Variants in PGLYRP1 observed in about 807,000 individuals in gnomAD.
PGLYRP1 encodes the protein TNF superfamily, member 3 (LTB)-like (peptidoglycan recognition protein).
Under a neutral mutation model 16.3 loss-of-function variants are expected in PGLYRP1, and 18 were observed. The observed-to-expected ratio is 1.11, with a 90% confidence interval of 0.77 to 1.64. The LOEUF is 1.64. PGLYRP1 is among the 40% of genes most tolerant of loss of function. PGLYRP1 has a pLI of 0.00. For missense variants in PGLYRP1, 261 were observed against 268.6 expected (o/e 0.97, Z 0.20); for synonymous variants, 89 against 105.7 (o/e 0.84, Z 0.97).
intron 1 of PGLYRP1, among the ~76,000 whole-genome samples, chr19:46,022,358 G>T (rs565403593): frequency 6.6e-6 from 1 of 152,346 alleles, no homozygotes; most frequent in Non-Finnish European, 1.5e-5. Flanking sequence ...GCTGACCCTG[G>T]AACCCAGCTC....
Position 46,019,769 on chromosome 19 carries a change from C to T in PGLYRP1, c.288-122G>A. On this transcript the variant is annotated intron_variant, in intron 1 of 2. Coordinates refer to ENST00000008938, the MANE Select transcript of PGLYRP1 (RefSeq NM_005091.3). The surrounding 1 kb of genome is among the most constrained non-coding windows in gnomAD (Gnocchi z 4.8). ...TGGTGCACACAACTTCCCCAGCATC[C>T]TTCTCACCCGTTAATTTCCCACGAT... The T allele has an allele frequency of 9.9e-7, 1 of 1,011,680 alleles. No homozygotes were observed. Among genetic ancestry groups the T allele is most frequent in the South Asian group, 1.6e-5 (1 of 61,394 alleles). The allele number at this position is 1,011,680 out of a possible 1,614,324, so 62.7% of individuals were successfully genotyped here.
In PGLYRP1 at chr19:46,019,258, G is replaced by A. The variant is rs758664311; in HGVS notation, c.571C>T (p.Pro191Ser). 5.6e-6 allele frequency: 9 copies of A among 1,613,788 alleles called. No homozygotes were observed. The highest frequency in any genetic ancestry group is 2.7e-5 in the African/African-American group (2 of 74,878). Residue 191 changes from proline to serine, a missense_variant, in exon 3 of 3, where the codon CCA (proline) becomes TCA (serine). Coordinates refer to ENST00000008938, the MANE Select transcript of PGLYRP1 (RefSeq NM_005091.3). This position sits in a 1 kb window ranked among gnomAD's most constrained non-coding sequence, Gnocchi z 4.8. ...NQLYHLIQNW[P>S]HYRSP The stretch of plus-strand genomic sequence containing the variant: ...GGGCCTCAGGGGGAGCGGTAGTGTG[G>A]CCAATTCTGGATGAGGTGGTAGAGC...
chr19:46,021,487 A>G (rs1339489040), intron 1 of PGLYRP1, among the ~76,000 whole-genome samples: 1 of 151,992 alleles, frequency 6.6e-6, no homozygotes, highest in Non-Finnish European at 1.5e-5. Flanking sequence ...TCTGCAGGAG[A>G]TTCTGATGCT....
Position 46,019,856 on chromosome 19 carries a change from C to T in PGLYRP1, c.288-209G>A, listed in dbSNP as rs1214039388. Among the ~76,000 whole-genome samples, 1 of 152,218 alleles carries T rather than the reference C, an allele frequency of 6.6e-6. No homozygotes were observed. The highest frequency in any genetic ancestry group is 2.4e-5 in the African/African-American group (1 of 41,458). On this transcript the variant is annotated intron_variant, in intron 1 of 2. Transcript: ENST00000008938. The surrounding 1 kb of genome is among the most constrained non-coding windows in gnomAD (Gnocchi z 4.8). Reference sequence around the variant, plus strand: ...CATGTGCCAAGCACAGCTCTGCATACACCTTTTTCCATCCTCACAGCAACC... The same window carrying T: ...CATGTGCCAAGCACAGCTCTGCATATACCTTTTTCCATCCTCACAGCAACC...
Position 46,019,555 on chromosome 19 carries a change from A to G in PGLYRP1, c.380T>C (p.Ile127Thr), listed in dbSNP as rs767798585. The G allele has an allele frequency of 1.1e-5, 18 of 1,613,924 alleles. No homozygotes were observed. The highest frequency in any genetic ancestry group is 1.4e-5 in the Non-Finnish European group (17 of 1,179,968). Residue 127 changes from isoleucine to threonine, a missense_variant, in exon 2 of 3, where the codon ATT becomes ACT. Transcript: ENST00000008938. The surrounding 1 kb of genome is among the most constrained non-coding windows in gnomAD (Gnocchi z 4.8). ...HSGHLWNPMS[I>T]GISFMGNYMD... is the part of the protein sequence containing the mutation. ...GTAGTTGCCCATGAAGCTGATGCCAATGGACATGGGGTTCCATAAGTGACC... is the reference window on the plus strand; with the variant it reads ...GTAGTTGCCCATGAAGCTGATGCCAGTGGACATGGGGTTCCATAAGTGACC...
chr19:46,022,976 G>T lies in PGLYRP1; in HGVS notation c.46C>A (p.Leu16Ile), dbSNP rs1969063033. Residue 16 changes from leucine (L) to isoleucine (I), a missense_variant, in exon 1 of 3, where the codon CTT (leucine) becomes ATT (isoleucine). By Grantham distance (5) the Leu-to-Ile change is conservative. Transcript: ENST00000008938. ...GTCTCCTGAGCCGCTCCGAGTCGAA[G>T]GAGGCTGGGGAGAGCCCAGGCAAGC... ...MLLAWALPSL[L>I]RLGAAQETED... 2 of 1,598,168 alleles carry T rather than the reference G, an allele frequency of 1.3e-6. No homozygotes were observed. Among genetic ancestry groups the T allele is most frequent in the Non-Finnish European group, 1.7e-6 (2 of 1,172,070 alleles).
chr19:46,020,617 A>T (rs1215879700), intron 1 of PGLYRP1, among the ~76,000 whole-genome samples: 1 of 152,158 alleles, frequency 6.6e-6, no homozygotes, highest in Non-Finnish European at 1.5e-5. Flanking sequence ...GAGCCCCAGC[A>T]CCTGCCTCTT....
At chr19:46,022,668 G>T in intron 1 of PGLYRP1, 67 bp downstream of exon 1, 1 of 1,574,848 alleles carries the variant, frequency 6.3e-7, no homozygotes, top group Non-Finnish European at 8.7e-7. Flanking sequence ...TGGTCCCGCT[G>T]GCGGGCACTT....
chr19:46,023,043 G>A lies in PGLYRP1; in HGVS notation c.-22C>T, dbSNP rs201917420. 42 of 1,498,030 alleles carry A rather than the reference G, an allele frequency of 2.8e-5. No individual in the cohort carries two copies. The African/African-American group carries it at 5.0e-4, about 18-fold the overall frequency. 92.8% of individuals were successfully genotyped at this position (1,498,030 alleles called of 1,614,324 possible). On this transcript the variant is annotated 5_prime_UTR_variant, in exon 1 of 3. Coordinates refer to ENST00000008938, the MANE Select transcript of PGLYRP1 (RefSeq NM_005091.3). The stretch of plus-strand genomic sequence containing the variant: ...ACATAGTGGCAGGGCGGCAGGGTCC[G>A]GGAGACCGCTAGGAGCGCCCGGTGG...
chr19:46,022,580 C>G (rs545384595), intron 1 of PGLYRP1, among the ~76,000 whole-genome samples, 155 bp downstream of exon 1: 1 of 152,230 alleles, frequency 6.6e-6, no homozygotes. Context: ...CGTGGTGACC[C>G]GAGGAAGAAA....
intron 1 of PGLYRP1, 22 bp downstream of exon 1, chr19:46,022,713 C>A: frequency 6.2e-7 from 1 of 1,613,022 alleles, no homozygotes; most frequent in Admixed American, 1.7e-5. Context: ...CAGTCCAGCC[C>A]GTGCCCCCCT....
At position 46,019,405 on chromosome 19, in the gene PGLYRP1, G is replaced by C; in HGVS notation, c.424C>G (p.Pro142Ala). The change falls in exon 3 of 3, where the codon CCC becomes GCC. Residue 142 changes from proline to alanine, a missense_variant. Physicochemically the swap from Pro to Ala is conservative, Grantham distance 27. Coordinates refer to ENST00000008938, the MANE Select transcript of PGLYRP1 (RefSeq NM_005091.3). This position sits in a 1 kb window ranked among gnomAD's most constrained non-coding sequence, Gnocchi z 4.8. Reference sequence around the variant, plus strand: ...CCCTGGGCTGCCCGGATGGCCTGGGGTGTGGGCACCCGATCTGGAGGAGGC... The same window carrying C: ...CCCTGGGCTGCCCGGATGGCCTGGGCTGTGGGCACCCGATCTGGAGGAGGC... ...MGNYMDRVPT[P>A]QAIRAAQGLL... is the part of the protein sequence containing the mutation. 6.2e-7 allele frequency: 1 copy of C among 1,613,566 alleles called. No individual in the cohort carries two copies. Among genetic ancestry groups the C allele is most frequent in the African/African-American group, 1.3e-5 (1 of 75,008 alleles).
rs887721809 is a variant in PGLYRP1 at position 46,019,743 on chromosome 19, G to A, written c.288-96C>T. 23 of 1,298,948 alleles carry A rather than the reference G, an allele frequency of 1.8e-5. No homozygotes were observed. Among genetic ancestry groups the A allele is most frequent in the African/African-American group, 1.0e-4 (7 of 68,198 alleles). 80.5% of individuals were successfully genotyped at this position (1,298,948 alleles called of 1,614,324 possible). ...CACTCACCCTGCCTCCGTTACTGCC[G>A]TGGTGCACACAACTTCCCCAGCATC... On this transcript the variant is annotated intron_variant, in intron 1 of 2. Coordinates refer to ENST00000008938, the MANE Select transcript of PGLYRP1 (RefSeq NM_005091.3). The surrounding 1 kb of genome is among the most constrained non-coding windows in gnomAD (Gnocchi z 4.8).
At chr19:46,020,058 A>G (rs549351632) in intron 1 of PGLYRP1, among the ~76,000 whole-genome samples, 1 of 150,842 alleles carries the variant, frequency 6.6e-6, no homozygotes, top group East Asian at 1.9e-4. Context: ...GATTTGTGGA[A>G]GTCCTGTTTT....
At chr19:46,020,301 G>A (rs911188024) in intron 1 of PGLYRP1, among the ~76,000 whole-genome samples, 1 of 151,936 alleles carries the variant, frequency 6.6e-6, no homozygotes, top group Admixed American at 6.6e-5. Flanking sequence ...TAGAGATGGG[G>A]TTTCACCATG....
In PGLYRP1 at chr19:46,019,603, C is replaced by T. The variant is rs1473657669; in HGVS notation, c.332G>A (p.Trp111Ter). ...ACCTGAGTGGGCACCCGTGAAGTTC[C>T]AGCCACGGCCCTCGTATACGAGCCC... ...EDGLVYEGRG[W>*]NFTGAHSGHL... Residue 111 changes from tryptophan (W) to a stop codon, truncating the protein, a stop_gained, in exon 2 of 3, where the codon TGG becomes TAG. Coordinates refer to ENST00000008938, the MANE Select transcript of PGLYRP1 (RefSeq NM_005091.3). LOFTEE classifies it high-confidence loss of function. This position sits in a 1 kb window ranked among gnomAD's most constrained non-coding sequence, Gnocchi z 4.8. 3.7e-6 allele frequency: 6 copies of T among 1,613,864 alleles called. No individual in the cohort carries two copies. The East Asian group carries it at 8.9e-5, about 24-fold the overall frequency.
intron 1 of PGLYRP1, among the ~76,000 whole-genome samples, chr19:46,022,247 G>A (rs1182113122): frequency 6.6e-6 from 1 of 152,214 alleles, no homozygotes; most frequent in Non-Finnish European, 1.5e-5. Flanking sequence ...GCCTGTATTG[G>A]CTCATATAAG....
At position 46,019,576 on chromosome 19, in the gene PGLYRP1, T is replaced by A; in HGVS notation, c.359A>T (p.His120Leu). ...GWNFTGAHSG[H>L]LWNPMSIGIS... ...GCCAATGGACATGGGGTTCCATAAG[T>A]GACCTGAGTGGGCACCCGTGAAGTT... The change falls in exon 2 of 3, where the codon CAC becomes CTC. Residue 120 changes from histidine (H) to leucine (L), a missense_variant. Coordinates refer to ENST00000008938, the MANE Select transcript of PGLYRP1 (RefSeq NM_005091.3). The surrounding 1 kb of genome is among the most constrained non-coding windows in gnomAD (Gnocchi z 4.8). 4.3e-6 allele frequency: 7 copies of A among 1,613,932 alleles called. No individual in the cohort carries two copies. The highest frequency in any genetic ancestry group is 5.9e-6 in the Non-Finnish European group (7 of 1,179,958).
intron 1 of PGLYRP1, among the ~76,000 whole-genome samples, 155 bp downstream of exon 1, chr19:46,022,580 C>T (rs545384595): frequency 2.6e-5 from 4 of 152,348 alleles, no homozygotes; most frequent in African/African-American, 4.8e-5. Flanking sequence ...CGTGGTGACC[C>T]GAGGAAGAAA....
Sources: gnomAD v4.1 joint callset for allele counts (sites outside exome capture counted in the v4.1 genomes callset) on GRCh38, gnomAD v4.1.1 for gene constraint, Gnocchi (gnomAD v3.1) non-coding constraint, MANE v1.5 for transcripts, NCBI Gene and HGNC (gene_info 2026-07-23, HGNC 2026-07-21) for gene names.